The following MALRD1 variants were observed in gnomAD, a reference collection of about 807,000 sequenced individuals.
MALRD1 encodes the protein MAM and LDL-receptor class A domain-containing protein 1.
MALRD1 carries 247 observed loss-of-function variants against 242.1 expected under a neutral mutation model. That is an observed-to-expected ratio of 1.02 (90% CI 0.92 to 1.13). The LOEUF is 1.13. Ranked by LOEUF, MALRD1 falls within the 50% of genes most tolerant of loss-of-function variation. MALRD1 has a pLI of 0.00. For synonymous variants in MALRD1, 995 were observed against 866.6 expected, an observed-to-expected ratio of 1.15 and a Z score of -2.60; for missense variants, 2,989 against 2,533.1, an observed-to-expected ratio of 1.18 and a Z score of -3.86.
At chr10:19,269,947 C>G (rs1339301625) in intron 19 of MALRD1, among the ~76,000 whole-genome samples, 2 of 152,166 alleles carry the variant, frequency 1.3e-5, no homozygotes, top group Non-Finnish European at 2.9e-5. Flanking sequence ...TCAAGTCATC[C>G]AACTCATGTC....
At chr10:19,053,155 G>A (rs1252028764) in intron 1 of MALRD1, among the ~76,000 whole-genome samples, 1 of 152,152 alleles carries the variant, frequency 6.6e-6, no homozygotes. Context: ...ATAGTCACCA[G>A]GGTTACTTAG....
chr10:19,128,673 T>G (rs1347893051), intron 8 of MALRD1, among the ~76,000 whole-genome samples: 1 of 152,192 alleles, frequency 6.6e-6, no homozygotes, highest in Non-Finnish European at 1.5e-5. Context: ...GCTGAGATTC[T>G]GTATTATGAG....
intron 31 of MALRD1, among the ~76,000 whole-genome samples, chr10:19,527,239 C>T (rs1396571544): frequency 6.6e-6 from 1 of 152,088 alleles, no homozygotes; most frequent in South Asian, 2.1e-4. Flanking sequence ...CTTCAGGAGC[C>T]TGTAAGTTAT....
intron 11 of MALRD1, among the ~76,000 whole-genome samples, chr10:19,153,366 T>C (rs1243850832): frequency 1.3e-5 from 2 of 152,194 alleles, no homozygotes; most frequent in Non-Finnish European, 2.9e-5. Flanking sequence ...GAGCTCTCCA[T>C]ATTTTTCTAA....
chr10:19,359,138 T>C (rs932736493), intron 26 of MALRD1, among the ~76,000 whole-genome samples: 1 of 152,170 alleles, frequency 6.6e-6, no homozygotes, highest in Admixed American at 6.6e-5. Context: ...GAGAAGTTGA[T>C]GAGTTGGCTG....
At chr10:19,694,297 G>A (rs1430895931) in intron 38 of MALRD1, among the ~76,000 whole-genome samples, 1 of 152,138 alleles carries the variant, frequency 6.6e-6, no homozygotes, top group Admixed American at 6.5e-5. Context: ...GCAACCTACA[G>A]AATGGGAGAA....
At chr10:19,576,084 G>A (rs1164905364) in intron 33 of MALRD1, among the ~76,000 whole-genome samples, 1 of 152,228 alleles carries the variant, frequency 6.6e-6, no homozygotes, top group Non-Finnish European at 1.5e-5. Context: ...CAGAAGTAAG[G>A]CTAAGAACCC....
At chr10:19,582,524 G>T (rs1259746939) in intron 33 of MALRD1, among the ~76,000 whole-genome samples, 1 of 134,766 alleles carries the variant, frequency 7.4e-6, no homozygotes, top group Non-Finnish European at 1.7e-5. Context: ...TCAAAGATCA[G>T]ATAGTTGTAG....
At chr10:19,401,498 G>A (rs972069653) in intron 28 of MALRD1, among the ~76,000 whole-genome samples, 1 of 151,978 alleles carries the variant, frequency 6.6e-6, no homozygotes, top group African/African-American at 2.4e-5. Context: ...GAAAACAATT[G>A]AAAAATGAAA....
intron 29 of MALRD1, among the ~76,000 whole-genome samples, chr10:19,487,995 G>A (rs1374555647): frequency 1.3e-5 from 2 of 152,076 alleles, no homozygotes; most frequent in African/African-American, 2.4e-5. Context: ...CTGCCTAATT[G>A]TCAGTAAATT....
intron 18 of MALRD1, among the ~76,000 whole-genome samples, chr10:19,241,045 T>G (rs1259633790): frequency 6.6e-6 from 1 of 152,114 alleles, no homozygotes; most frequent in East Asian, 1.9e-4. Context: ...TGTCTTTGTC[T>G]GGTTTTAGAA....
chr10:19,530,377 AAATATTAT>A (rs1405954164), intron 31 of MALRD1, among the ~76,000 whole-genome samples: 3 of 89,774 alleles, frequency 3.3e-5, no homozygotes, highest in African/African-American at 2.3e-4. Flanking sequence ...ATATTTATAT[AAATATTAT>A]ATATTTATAT....
chr10:19,142,544 A>G (rs1056538431), intron 10 of MALRD1, among the ~76,000 whole-genome samples: 1 of 152,192 alleles, frequency 6.6e-6, no homozygotes, highest in Non-Finnish European at 1.5e-5. Context: ...TAATCTTAAA[A>G]TATTACTTTA....
At chr10:19,270,342 A>T (rs879427388) in intron 19 of MALRD1, among the ~76,000 whole-genome samples, 11,306 of 109,968 alleles carry the variant, frequency 0.1, 499 homozygotes, top group Middle Eastern at 0.13. Flanking sequence ...TCTCTCACAC[A>T]CACACACACA....
At chr10:19,274,922 C>T (rs1840435637) in intron 19 of MALRD1, among the ~76,000 whole-genome samples, 1 of 151,918 alleles carries the variant, frequency 6.6e-6, no homozygotes, top group South Asian at 2.1e-4. Flanking sequence ...TTGTGAATAG[C>T]CTTAATACTA....
At chr10:19,705,097 AT>A (rs1300893860) in intron 38 of MALRD1, among the ~76,000 whole-genome samples, 6 of 152,192 alleles carry the variant, frequency 3.9e-5, no homozygotes, top group Non-Finnish European at 5.9e-5. Flanking sequence ...CAAATGAAAT[AT>A]CTGTTCCTGT....
At chr10:19,564,009 G>A (rs1469607744) in intron 32 of MALRD1, among the ~76,000 whole-genome samples, 3 of 152,178 alleles carry the variant, frequency 2.0e-5, no homozygotes, top group Non-Finnish European at 2.9e-5. Context: ...CTTCTGCCAT[G>A]AGAAAAAGAT....
intron 18 of MALRD1, among the ~76,000 whole-genome samples, chr10:19,254,754 C>T (rs1207517325): frequency 6.6e-6 from 1 of 151,518 alleles, no homozygotes; most frequent in Non-Finnish European, 1.5e-5. Context: ...AGTTATAAAA[C>T]ATACCAATTT....
At chr10:19,666,002 G>T (rs1589377195) in intron 36 of MALRD1, among the ~76,000 whole-genome samples, 1 of 151,928 alleles carries the variant, frequency 6.6e-6, no homozygotes, top group East Asian at 1.9e-4. Context: ...CAAATGGTCG[G>T]AATTCAAACG....
Sources: allele counts gnomAD v4.1 joint callset (sites outside exome capture counted in the v4.1 genomes callset), GRCh38; gene constraint gnomAD v4.1.1; transcripts MANE v1.5; gene names NCBI Gene and HGNC (gene_info 2026-07-23, HGNC 2026-07-21).